The following GBE1 variants were observed in gnomAD, a reference collection of about 807,000 sequenced individuals.
GBE1 encodes the protein 1,4-alpha-glucan branching enzyme 1.
Under a neutral mutation model 88.8 loss-of-function variants are expected in GBE1, and 70 were observed. The ratio of observed to expected loss-of-function variants is 0.79; its 90% CI spans 0.65 to 0.96. The LOEUF (loss-of-function observed/expected upper bound fraction) is 0.96, where lower values mean the gene tolerates loss of function less well. Among genes scored for constraint, GBE1 ranks in the 40% least tolerant of loss-of-function variants. The pLI is 0.00. For synonymous variants in GBE1, 284 were observed against 300.1 expected (o/e 0.95, Z 0.56); for missense variants, 872 against 871.0 (o/e 1.00, Z -0.01).
chr3:81,492,540 T>A (rs955765980), intron 15 of GBE1, among the ~76,000 whole-genome samples: 1 of 151,998 alleles, frequency 6.6e-6, no homozygotes, highest in Admixed American at 6.6e-5. Context: ...CATGTACAAA[T>A]TGAGAAAGTG....
intron 2 of GBE1, among the ~76,000 whole-genome samples, chr3:81,687,297 AAAG>A (rs1276591486): frequency 6.6e-6 from 1 of 152,152 alleles, no homozygotes; most frequent in Non-Finnish European, 1.5e-5. Flanking sequence ...GCTGAGGGGA[AAAG>A]AAGAGGCAAA....
At position 81,646,409 on chromosome 3, in the gene GBE1, G is replaced by C; in HGVS notation, c.765C>G (p.Ser255Arg). 1 of 1,601,184 alleles carries C rather than the reference G, an allele frequency of 6.2e-7. No homozygotes were observed. The highest frequency in any genetic ancestry group is 8.5e-7 in the Non-Finnish European group (1 of 1,173,522). The change falls in exon 6 of 16, where the codon AGC becomes AGG. Residue 255 changes from serine (S) to arginine (R), a missense_variant. Transcript: ENST00000429644. ...GATTTTACCTGGAAGCTGCAAAGAA[G>C]CTTGTGATTTGGTAACCAAAGCTGG... The part of the protein sequence containing the change: ...YYASFGYQIT[S>R]FFAASSRYGT...
chr3:81,748,056 G>A (rs1337462205), intron 1 of GBE1, among the ~76,000 whole-genome samples: 1 of 152,082 alleles, frequency 6.6e-6, no homozygotes, highest in East Asian at 1.9e-4. Context: ...GGAGGCAGAG[G>A]TTGCAGTGAG....
At chr3:81,593,329 C>A (rs1054898036) in intron 8 of GBE1, among the ~76,000 whole-genome samples, 49 of 150,414 alleles carry the variant, frequency 3.3e-4, no homozygotes, top group African/African-American at 1.1e-3. Flanking sequence ...CACACCACTG[C>A]GCTCCAGCCT....
chr3:81,670,780 G>A, intron 3 of GBE1, 58 bp downstream of exon 3: 1 of 905,096 alleles, frequency 1.1e-6, no homozygotes, highest in Non-Finnish European at 1.7e-6. Context: ...ATCAAACTTG[G>A]CAAACAAGAT....
intron 14 of GBE1, among the ~76,000 whole-genome samples, chr3:81,515,547 C>T (rs376585463): frequency 2.0e-5 from 3 of 151,430 alleles, no homozygotes; most frequent in African/African-American, 7.3e-5. Flanking sequence ...CAATTAATAA[C>T]CCTACAATAG....
chr3:81,664,128 C>T (rs774207551), intron 3 of GBE1, among the ~76,000 whole-genome samples: 1 of 151,870 alleles, frequency 6.6e-6, no homozygotes, highest in Non-Finnish European at 1.5e-5. Context: ...GTTGGCAATA[C>T]CTAGGAATGC....
intron 1 of GBE1, among the ~76,000 whole-genome samples, chr3:81,729,957 G>T (rs564016941): frequency 6.6e-6 from 1 of 152,262 alleles, no homozygotes; most frequent in South Asian, 2.1e-4. Flanking sequence ...GATACCACTG[G>T]ATACCCCACA....
intron 7 of GBE1, among the ~76,000 whole-genome samples, chr3:81,604,882 A>G (rs1461274842): frequency 6.6e-6 from 1 of 152,122 alleles, no homozygotes; most frequent in Admixed American, 6.5e-5. Context: ...CTTTCATAAC[A>G]TGTTTAACAC....
intron 1 of GBE1, among the ~76,000 whole-genome samples, chr3:81,727,344 A>G (rs1050701552): frequency 1.3e-5 from 2 of 152,226 alleles, no homozygotes; most frequent in African/African-American, 4.8e-5. Flanking sequence ...AGGGGAAAAA[A>G]TCATTAATCA....
At chr3:81,501,974 A>T (rs181062761) in intron 14 of GBE1, among the ~76,000 whole-genome samples, 109 of 150,476 alleles carry the variant, frequency 7.2e-4, no homozygotes, top group South Asian at 2.5e-3. Flanking sequence ...GCTGGGATTA[A>T]TGAGCTACCA....
chr3:81,720,380 A>ATC (rs1706009765), intron 1 of GBE1, among the ~76,000 whole-genome samples: 1 of 150,130 alleles, frequency 6.7e-6, no homozygotes, highest in East Asian at 2.0e-4. Flanking sequence ...ATATATATAT[A>ATC]TCTTATATAC....
chr3:81,760,721 C>G (rs114768896), intron 1 of GBE1, among the ~76,000 whole-genome samples: 2,579 of 152,268 alleles, frequency 0.017, 91 homozygotes, highest in African/African-American at 0.06. Context: ...AAGTTGCTTT[C>G]CTGACCTTTC....
chr3:81,623,645 CATTATT>C (rs576272985), intron 7 of GBE1, among the ~76,000 whole-genome samples: 1 of 152,028 alleles, frequency 6.6e-6, no homozygotes, highest in Non-Finnish European at 1.5e-5. Flanking sequence ...GTGTGCCAGA[CATTATT>C]ATTATTATCT....
intron 14 of GBE1, among the ~76,000 whole-genome samples, chr3:81,514,555 C>A (rs1702769214): frequency 6.6e-6 from 1 of 151,526 alleles, no homozygotes; most frequent in South Asian, 2.1e-4. Context: ...TGCATGATTA[C>A]AACTGAATCC....
At chr3:81,586,518 T>C (rs1208088157) in intron 9 of GBE1, among the ~76,000 whole-genome samples, 2 of 152,252 alleles carry the variant, frequency 1.3e-5, no homozygotes, top group African/African-American at 2.4e-5. Context: ...ATTAGTTTTG[T>C]TGCTTTCACC....
chr3:81,710,042 C>G (rs1290287237), intron 1 of GBE1, among the ~76,000 whole-genome samples: 1 of 151,994 alleles, frequency 6.6e-6, no homozygotes, highest in African/African-American at 2.4e-5. Context: ...TTTAAATCCT[C>G]TGTTACATAG....
intron 1 of GBE1, among the ~76,000 whole-genome samples, chr3:81,749,966 G>A (rs1259530177): frequency 1.3e-5 from 2 of 152,108 alleles, no homozygotes; most frequent in African/African-American, 4.8e-5. Context: ...TGTGAGTAGA[G>A]GTTTGCCTAA....
At chr3:81,530,123 A>C (rs982792121) in intron 14 of GBE1, among the ~76,000 whole-genome samples, 1 of 151,862 alleles carries the variant, frequency 6.6e-6, no homozygotes, top group Non-Finnish European at 1.5e-5. Flanking sequence ...TGCATTCTTC[A>C]GTTTGTCAAC....
Sources: gnomAD v4.1 joint callset for allele counts (sites outside exome capture counted in the v4.1 genomes callset) on GRCh38, gnomAD v4.1.1 for gene constraint, MANE v1.5 for transcripts, NCBI Gene and HGNC (gene_info 2026-07-23, HGNC 2026-07-21) for gene names.